The following RPS6KA2 variants were observed in gnomAD, a reference collection of about 807,000 sequenced individuals.
The protein encoded by RPS6KA2 is ribosomal protein S6 kinase A2, also known as ribosomal protein S6 kinase alpha-2.
In RPS6KA2, 42 loss-of-function variants were observed where a neutral mutation model predicts 91.8. That is an observed-to-expected ratio of 0.46 (90% confidence interval 0.36 to 0.59). The LOEUF (loss-of-function observed/expected upper bound fraction) is 0.59, where lower values mean the gene tolerates loss of function less well. Ranked by LOEUF, RPS6KA2 falls within the 20% of genes least tolerant of loss-of-function variation. The pLI is 0.00. For synonymous variants in RPS6KA2, 414 were observed against 393.6 expected, an observed-to-expected ratio of 1.05 and a Z score of -0.61; for missense variants, 798 against 978.5, an observed-to-expected ratio of 0.82 and a Z score of 2.46.
chr6:166,589,064 A>G (rs887071358), intron 1 of RPS6KA2, among the ~76,000 whole-genome samples: 3 of 152,252 alleles, frequency 2.0e-5, no homozygotes, highest in Non-Finnish European at 2.9e-5. Flanking sequence ...AGCTGAAATT[A>G]GTAACATTGG....
rs192823164 is a variant in RPS6KA2, at chr6:166,752,567, T to C, written c.123+105633A>G. 1.4e-4 allele frequency among the ~76,000 whole-genome samples: 21 copies of C among 152,344 alleles called. No individual in the cohort carries two copies. In the East Asian group the frequency reaches 3.7e-3, roughly 27 times the overall value. ...AATATTTAATTTAATTCAGAGATGA[T>C]AGACCCATAATGATGATTAAGGTTA... is the stretch of plus-strand genomic sequence containing the variant. On this transcript the variant is annotated intron_variant, in intron 2 of 21. Transcript: ENST00000503859.
intron 2 of RPS6KA2, among the ~76,000 whole-genome samples, chr6:166,799,297 A>T (rs1779302459): frequency 1.3e-5 from 2 of 152,250 alleles, no homozygotes; most frequent in South Asian, 4.1e-4. Context: ...TCAATTTTTT[A>T]AAAACTATTT....
At chr6:166,651,600 G>C (rs1333445814) in intron 2 of RPS6KA2, among the ~76,000 whole-genome samples, 1 of 152,222 alleles carries the variant, frequency 6.6e-6, no homozygotes, top group Non-Finnish European at 1.5e-5. Context: ...CACTTTAGCT[G>C]TCACTTTGAA....
At chr6:166,566,463 C>A (rs1053218670) in intron 1 of RPS6KA2, among the ~76,000 whole-genome samples, 1 of 152,232 alleles carries the variant, frequency 6.6e-6, no homozygotes, top group Non-Finnish European at 1.5e-5. Context: ...GTCTGCCCAT[C>A]CACCACATCA....
In RPS6KA2 at chr6:166,825,029, C is replaced by T. The variant is rs968574414; in HGVS notation, c.123+33171G>A. On this transcript the variant is annotated intron_variant, in intron 2 of 21. Coordinates refer to the RPS6KA2 transcript ENST00000503859. This position sits in a 1 kb window ranked among gnomAD's most constrained non-coding sequence, Gnocchi z 4.1. ...GGAGCACCCCAGGGAGCTGCCTTCCCGTCCGTCTTCTGCCTCCACCCACAC... is the reference window on the plus strand; with the variant it reads ...GGAGCACCCCAGGGAGCTGCCTTCCTGTCCGTCTTCTGCCTCCACCCACAC... Among the ~76,000 whole-genome samples, 9 of 152,246 alleles carry T rather than the reference C, an allele frequency of 5.9e-5. No homozygotes were observed. The highest frequency in any genetic ancestry group is 5.8e-4 in the East Asian group (3 of 5,206).
chr6:166,469,806 G>A (rs373378459), intron 11 of RPS6KA2, 35 bp downstream of exon 11: 28 of 1,572,846 alleles, frequency 1.8e-5, no homozygotes, highest in African/African-American at 2.7e-5. Flanking sequence ...TCTGTGTCAC[G>A]CGTGTGCAGG....
chr6:166,633,682 A>G (rs1787150321), intron 2 of RPS6KA2, among the ~76,000 whole-genome samples: 1 of 152,230 alleles, frequency 6.6e-6, no homozygotes, highest in African/African-American at 2.4e-5. Context: ...GTAAAACATT[A>G]TGGTAGAAAA....
At chr6:166,590,898 A>C (rs532291903) in intron 1 of RPS6KA2, among the ~76,000 whole-genome samples, 1 of 152,340 alleles carries the variant, frequency 6.6e-6, no homozygotes, top group Non-Finnish European at 1.5e-5. Flanking sequence ...CTGGATTTAA[A>C]AACAGATTAA....
chr6:166,628,406 G>A (rs957831018), upstream of RPS6KA2, among the ~76,000 whole-genome samples: 5 of 152,224 alleles, frequency 3.3e-5, no homozygotes, highest in Non-Finnish European at 7.3e-5. Flanking sequence ...GTGGTGAGTT[G>A]ACAAGTCTTG....
chr6:166,760,049 TG>T (rs1484208668), intron 2 of RPS6KA2, among the ~76,000 whole-genome samples: 1 of 152,246 alleles, frequency 6.6e-6, no homozygotes, highest in Non-Finnish European at 1.5e-5. Flanking sequence ...ACTAAATTTT[TG>T]TTTGAGGGTG....
intron 10 of RPS6KA2, among the ~76,000 whole-genome samples, chr6:166,479,275 G>A (rs1045122619): frequency 6.8e-6 from 1 of 146,928 alleles, no homozygotes; most frequent in Non-Finnish European, 1.5e-5. Flanking sequence ...GGGAAGGCAC[G>A]GGCCAGACTG....
intron 1 of RPS6KA2, among the ~76,000 whole-genome samples, chr6:166,541,775 A>T (rs985637992): frequency 2.6e-5 from 4 of 152,170 alleles, no homozygotes; most frequent in Non-Finnish European, 5.9e-5. Flanking sequence ...ATCTCATAAC[A>T]TTTCAAATTT....
chr6:166,579,735 T>A (rs941206479), intron 1 of RPS6KA2, among the ~76,000 whole-genome samples: 1 of 152,226 alleles, frequency 6.6e-6, no homozygotes, highest in African/African-American at 2.4e-5. Context: ...GTATTTAATG[T>A]CGCTAAATTT....
chr6:166,618,717 G>T (rs891637570), intron 1 of RPS6KA2, among the ~76,000 whole-genome samples: 5 of 152,332 alleles, frequency 3.3e-5, no homozygotes, highest in African/African-American at 1.2e-4. Context: ...AGGGTAGGAC[G>T]AGCGTCTCAG....
At chr6:166,841,775 C>T (rs1201886845) in intron 2 of RPS6KA2, among the ~76,000 whole-genome samples, 1 of 152,194 alleles carries the variant, frequency 6.6e-6, no homozygotes, top group Non-Finnish European at 1.5e-5. Flanking sequence ...ACGGTAACAC[C>T]CCGTGACCAC....
intron 2 of RPS6KA2, among the ~76,000 whole-genome samples, chr6:166,640,981 G>A (rs541047979): frequency 6.6e-6 from 1 of 152,346 alleles, no homozygotes; most frequent in African/African-American, 2.4e-5. Context: ...ACTTCAGCCA[G>A]TTGGAAGCCA....
In RPS6KA2 at chr6:166,434,779, C is replaced by T. The variant is rs915739748; in HGVS notation, c.1333-2289G>A. ...AGTGGGAGCTTTTTCTCCACCGCCA[C>T]GGACCATCTTCAAGATACAAGGAGT... On this transcript the variant is annotated intron_variant, in intron 14 of 20. Transcript: ENST00000265678. The surrounding 1 kb of genome is among the most constrained non-coding windows in gnomAD (Gnocchi z 4.4). Among the ~76,000 whole-genome samples the T allele has an allele frequency of 5.3e-5, 8 of 152,136 alleles. No individual in the cohort carries two copies. Among genetic ancestry groups the T allele is most frequent in the Non-Finnish European group, 7.3e-5 (5 of 68,034 alleles).
In RPS6KA2 at chr6:166,423,358, T is replaced by G. The variant is rs756834293; in HGVS notation, c.1641A>C (p.Pro547=). The change falls in exon 17 of 21, where the codon CCA becomes CCC. Residue 547 remains proline, a synonymous_variant. Coordinates refer to ENST00000265678, the MANE Select transcript of RPS6KA2 (RefSeq NM_021135.6). The surrounding 1 kb of genome is among the most constrained non-coding windows in gnomAD (Gnocchi z 4.8). ...NILYRDESGS[P]ESIRVCDFGF... is the part of the protein sequence containing the mutation. ...CGAAGTCGCAGACTCGGATGGATTC[T>G]GGGCTCCCCGACTCATCCCTGTACA... The G allele has an allele frequency of 3.1e-6, 5 of 1,614,198 alleles. No homozygotes were observed. In the South Asian group the frequency reaches 5.5e-5, roughly 18 times the overall value.
At position 166,533,763 on chromosome 6, in the gene RPS6KA2, C is replaced by G. The variant is rs1783378860; in HGVS notation, c.217-2450G>C. Reference sequence around the variant, plus strand: ...CATTGCGGCGAAGCTGACATGTTAGCTCCCAAAATAAGGCATTCTTATAAT... The same window carrying G: ...CATTGCGGCGAAGCTGACATGTTAGGTCCCAAAATAAGGCATTCTTATAAT... On this transcript the variant is annotated intron_variant, in intron 2 of 20. Transcript: ENST00000265678. This position sits in a 1 kb window ranked among gnomAD's most constrained non-coding sequence, Gnocchi z 4.0. Among the ~76,000 whole-genome samples, 1 of 152,156 alleles carries G rather than the reference C, an allele frequency of 6.6e-6. No individual in the cohort carries two copies. Among genetic ancestry groups the G allele is most frequent in the Admixed American group, 6.5e-5 (1 of 15,284 alleles).
Sources: gnomAD v4.1 joint callset for allele counts (sites outside exome capture counted in the v4.1 genomes callset) on GRCh38, gnomAD v4.1.1 for gene constraint, Gnocchi (gnomAD v3.1) non-coding constraint, MANE v1.5 for transcripts, NCBI Gene and HGNC (gene_info 2026-07-23, HGNC 2026-07-21) for gene names.